Variants in PSD3 observed in about 807,000 individuals in gnomAD.
PSD3 encodes the protein pleckstrin and Sec7 domain containing 3.
PSD3 carries 49 observed loss-of-function variants against 105.5 expected under a neutral mutation model. The observed-to-expected ratio is 0.46, with a 90% confidence interval of 0.37 to 0.59. The LOEUF (loss-of-function observed/expected upper bound fraction) is 0.59, where lower values mean the gene tolerates loss of function less well. Among genes scored for constraint, PSD3 ranks in the 20% least tolerant of loss-of-function variants. The pLI, the probability that PSD3 is intolerant of heterozygous loss-of-function variation, is 0.00. For synonymous variants in PSD3, 557 were observed against 457.8 expected (o/e 1.22, Z -2.77); for missense variants, 1,561 against 1,263.8 (o/e 1.24, Z -3.57).
At chr8:18,900,673 C>T (rs996802364) in intron 2 of PSD3, among the ~76,000 whole-genome samples, 1 of 109,584 alleles carries the variant, frequency 9.1e-6, no homozygotes, top group South Asian at 2.9e-4. Flanking sequence ...TTTTGGGAGA[C>T]AGGGTCTTGC....
intron 2 of PSD3, among the ~76,000 whole-genome samples, chr8:18,901,203 C>T (rs1363993316): frequency 6.6e-6 from 1 of 152,088 alleles, no homozygotes; most frequent in Non-Finnish European, 1.5e-5. Context: ...GGTTTGTCTG[C>T]AAGTTTTCTC....
At chr8:18,685,090 A>C (rs894605993) in intron 9 of PSD3, among the ~76,000 whole-genome samples, 2 of 152,184 alleles carry the variant, frequency 1.3e-5, no homozygotes, top group Non-Finnish European at 2.9e-5. Flanking sequence ...GTTTACAAAG[A>C]CCACTCTGGG....
At chr8:18,645,350 C>T (rs150889776) in intron 10 of PSD3, among the ~76,000 whole-genome samples, 7 of 152,272 alleles carry the variant, frequency 4.6e-5, no homozygotes, top group African/African-American at 1.4e-4. Context: ...AAATACTTTA[C>T]TGTAGAAAAC....
At chr8:19,004,629 T>G (rs547713064) in intron 1 of PSD3, among the ~76,000 whole-genome samples, 1 of 152,116 alleles carries the variant, frequency 6.6e-6, no homozygotes, top group Non-Finnish European at 1.5e-5. Context: ...TCAAAGGATC[T>G]GAATAGACAC....
intron 8 of PSD3, among the ~76,000 whole-genome samples, chr8:18,784,940 G>A (rs976825640): frequency 3.9e-5 from 6 of 152,106 alleles, no homozygotes; most frequent in African/African-American, 1.4e-4. Context: ...CTGGAGGTGG[G>A]GTGTGTGCGG....
chr8:18,665,913 C>G (rs1380897783), intron 9 of PSD3, among the ~76,000 whole-genome samples: 1 of 152,190 alleles, frequency 6.6e-6, no homozygotes. Context: ...CAGAAATTGC[C>G]ACAGTCATAT....
At position 18,612,528 on chromosome 8, in the gene PSD3, C is replaced by T. The variant is rs113111691; in HGVS notation, c.2411-12094G>A. Among the ~76,000 whole-genome samples, 1,147 of 152,086 alleles carry T rather than the reference C, an allele frequency of 7.5e-3. 19 individuals carry two copies. Among genetic ancestry groups the T allele is most frequent in the African/African-American group, 0.026 (1,096 of 41,452 alleles). ...GCTGGGACTACAGGCGCCCGCCACC[C>T]GCCTGGATAATGTTGTTGTATTTTA... On this transcript the variant is annotated intron_variant, in intron 11 of 15. Coordinates refer to ENST00000327040, the MANE Select transcript of PSD3 (RefSeq NM_015310.4).
chr8:18,653,493 T>C (rs1365337238), intron 10 of PSD3, among the ~76,000 whole-genome samples: 4 of 152,152 alleles, frequency 2.6e-5, no homozygotes, highest in African/African-American at 9.7e-5. Flanking sequence ...TGAGACTCAA[T>C]ATTTGCTCAG....
chr8:18,593,454 C>T (rs1585328802), intron 12 of PSD3, among the ~76,000 whole-genome samples: 2 of 152,064 alleles, frequency 1.3e-5, no homozygotes, highest in African/African-American at 4.8e-5. Context: ...GAACGGCGAT[C>T]GTTAAAAAGT....
intron 4 of PSD3, among the ~76,000 whole-genome samples, chr8:18,826,595 G>T (rs1374441076): frequency 6.6e-6 from 1 of 152,162 alleles, no homozygotes; most frequent in Non-Finnish European, 1.5e-5. Flanking sequence ...ATCAAAGAAG[G>T]AAAGAGTCAT....
chr8:18,813,790 A>G (rs1480717267), intron 4 of PSD3, among the ~76,000 whole-genome samples: 2 of 152,178 alleles, frequency 1.3e-5, no homozygotes, highest in African/African-American at 4.8e-5. Context: ...TAAAACAGAT[A>G]ATAGTATCAT....
chr8:18,570,587 A>G (rs1382497528), intron 14 of PSD3, among the ~76,000 whole-genome samples: 1 of 148,854 alleles, frequency 6.7e-6, no homozygotes, highest in Non-Finnish European at 1.5e-5. Context: ...ACAAAGGGCT[A>G]ATATCCAGAA....
chr8:18,596,087 T>C (rs781490765), intron 12 of PSD3, among the ~76,000 whole-genome samples: 38 of 151,816 alleles, frequency 2.5e-4, no homozygotes, highest in Non-Finnish European at 4.7e-4. Context: ...GAAGTAGAAA[T>C]TAAAAGCAGA....
intron 11 of PSD3, among the ~76,000 whole-genome samples, chr8:18,612,209 A>G (rs895308138): frequency 6.6e-6 from 1 of 152,222 alleles, no homozygotes; most frequent in East Asian, 1.9e-4. Flanking sequence ...ACTTCAGAGC[A>G]CTGGCCTCAT....
intron 13 of PSD3, among the ~76,000 whole-genome samples, chr8:18,573,209 C>G (rs771963228): frequency 6.6e-6 from 1 of 152,160 alleles, no homozygotes; most frequent in Non-Finnish European, 1.5e-5. Context: ...GTGGCTCATG[C>G]CTGTAATCCC....
intron 15 of PSD3, among the ~76,000 whole-genome samples, chr8:18,548,188 G>C (rs566132869): frequency 4.6e-5 from 7 of 152,062 alleles, no homozygotes; most frequent in African/African-American, 1.7e-4. Context: ...TTGAACTTTT[G>C]TTCTTGTATT....
At chr8:18,660,504 T>A (rs1177346903) in intron 9 of PSD3, among the ~76,000 whole-genome samples, 2 of 152,192 alleles carry the variant, frequency 1.3e-5, no homozygotes, top group Non-Finnish European at 1.5e-5. Context: ...AATGATGATA[T>A]ACCCACAGGT....
chr8:18,555,808 C>CT (rs1479163649), intron 15 of PSD3, among the ~76,000 whole-genome samples: 1 of 152,172 alleles, frequency 6.6e-6, no homozygotes, highest in African/African-American at 2.4e-5. Flanking sequence ...CAGGGAAAAG[C>CT]TGATGCCTCA....
chr8:18,754,566 G>A (rs1169003117), intron 9 of PSD3, among the ~76,000 whole-genome samples: 1 of 152,012 alleles, frequency 6.6e-6, no homozygotes, highest in Non-Finnish European at 1.5e-5. Context: ...ACAGGCCCAA[G>A]ATTATGATAT....
Sources: gnomAD v4.1 joint callset for allele counts (sites outside exome capture counted in the v4.1 genomes callset) on GRCh38, gnomAD v4.1.1 for gene constraint, MANE v1.5 for transcripts, NCBI Gene and HGNC (gene_info 2026-07-23, HGNC 2026-07-21) for gene names.